The following RUNX1 variants were observed in gnomAD, a reference collection of about 807,000 sequenced individuals.
RUNX1 encodes runt-related transcription factor 1.
Under a neutral mutation model 42.8 loss-of-function variants are expected in RUNX1, and 19 were observed. That is an observed-to-expected ratio of 0.44 (90% CI 0.31 to 0.65). The LOEUF (loss-of-function observed/expected upper bound fraction) is 0.65. Ranked by LOEUF, RUNX1 falls within the 30% of genes least tolerant of loss-of-function variation. The pLI is 0.07. For synonymous variants in RUNX1, 271 were observed against 289.4 expected (o/e 0.94, Z 0.64); for missense variants, 528 against 672.0 (o/e 0.79, Z 2.37).
At chr21:35,006,974 A>C (rs994229898) in intron 2 of RUNX1, among the ~76,000 whole-genome samples, 2 of 152,168 alleles carry the variant, frequency 1.3e-5, no homozygotes, top group Admixed American at 6.5e-5. Flanking sequence ...TCTAGGAGGT[A>C]CCTTAGGTGG....
chr21:34,849,934 T>C (rs1020505895), intron 6 of RUNX1, among the ~76,000 whole-genome samples: 2 of 151,408 alleles, frequency 1.3e-5, no homozygotes, highest in Non-Finnish European at 2.9e-5. Context: ...TTATTATTAC[T>C]ATTATTATTT....
At chr21:34,796,229 C>A (rs1351983399) in intron 8 of RUNX1, among the ~76,000 whole-genome samples, 1 of 152,250 alleles carries the variant, frequency 6.6e-6, no homozygotes, top group South Asian at 2.1e-4. Flanking sequence ...GATCCTTCTT[C>A]TATGTACACA....
At chr21:34,808,343 G>A (rs1056989235) in intron 7 of RUNX1, among the ~76,000 whole-genome samples, 3 of 152,140 alleles carry the variant, frequency 2.0e-5, no homozygotes, top group Non-Finnish European at 2.9e-5. Flanking sequence ...CCTCACTGCC[G>A]ACCTGCCAGC....
intron 7 of RUNX1, among the ~76,000 whole-genome samples, chr21:34,828,773 A>G (rs1240160723): frequency 2.6e-5 from 4 of 151,032 alleles, no homozygotes; most frequent in Non-Finnish European, 5.9e-5. Context: ...GCTCTCTGAC[A>G]GATGCTCTCT....
At chr21:34,909,641 C>T (rs1265686690) in intron 2 of RUNX1, among the ~76,000 whole-genome samples, 1 of 119,392 alleles carries the variant, frequency 8.4e-6, no homozygotes, top group Non-Finnish European at 1.7e-5. Context: ...TGCACTTCTC[C>T]AGAGTGACCT....
At chr21:34,951,584 C>A (rs1601602633) in intron 2 of RUNX1, among the ~76,000 whole-genome samples, 1 of 150,752 alleles carries the variant, frequency 6.6e-6, no homozygotes, top group East Asian at 1.9e-4. Context: ...TGAACAGACA[C>A]TTCCCAAAAG....
chr21:34,873,450 C>T (rs567542710), intron 5 of RUNX1, among the ~76,000 whole-genome samples: 5 of 152,248 alleles, frequency 3.3e-5, no homozygotes, highest in African/African-American at 1.2e-4. Context: ...AGGTAAAAGC[C>T]CAAATTAATC....
chr21:34,929,765 T>A (rs1247557779), intron 2 of RUNX1, among the ~76,000 whole-genome samples: 1 of 152,198 alleles, frequency 6.6e-6, no homozygotes, highest in Non-Finnish European at 1.5e-5. Flanking sequence ...GAATATTCTT[T>A]ACCCAAGTCA....
chr21:34,879,976 A>T (rs2057870779), intron 5 of RUNX1, among the ~76,000 whole-genome samples: 1 of 152,180 alleles, frequency 6.6e-6, no homozygotes, highest in Admixed American at 6.5e-5. Flanking sequence ...CTCCTCCTAA[A>T]TAAGGCATTG....
chr21:34,946,685 T>A (rs942391402), intron 2 of RUNX1, among the ~76,000 whole-genome samples: 1 of 152,176 alleles, frequency 6.6e-6, no homozygotes, highest in African/African-American at 2.4e-5. Context: ...AGGGTACAGC[T>A]TTGCAAGCTG....
At chr21:34,834,649 G>T in intron 6 of RUNX1, 48 bp from the exon 7 acceptor site, 1 of 1,351,348 alleles carries the variant, frequency 7.4e-7, no homozygotes, top group South Asian at 1.2e-5. Context: ...GGGAAGGAGG[G>T]AGGGAAGAGA....
chr21:34,846,195 T>C (rs1453382229), intron 6 of RUNX1, among the ~76,000 whole-genome samples: 1 of 42,754 alleles, frequency 2.3e-5, no homozygotes, highest in Non-Finnish European at 8.6e-5. Context: ...TAAGGATGTC[T>C]TTTTTTTTTT....
intron 5 of RUNX1, among the ~76,000 whole-genome samples, chr21:34,878,033 A>C (rs987813622): frequency 6.6e-6 from 1 of 152,198 alleles, no homozygotes; most frequent in African/African-American, 2.4e-5. Context: ...CAAAAACAGA[A>C]AATGAGACAG....
At chr21:34,953,057 A>G (rs993957006) in intron 2 of RUNX1, among the ~76,000 whole-genome samples, 2 of 152,172 alleles carry the variant, frequency 1.3e-5, no homozygotes, top group Non-Finnish European at 2.9e-5. Context: ...GGCACAAAGC[A>G]CAAAGGCACA....
intron 2 of RUNX1, among the ~76,000 whole-genome samples, chr21:34,975,335 A>G (rs768740358): frequency 2.6e-5 from 4 of 152,238 alleles, no homozygotes; most frequent in Non-Finnish European, 5.9e-5. Context: ...ATAGATCTGT[A>G]TATATGGATG....
chr21:34,886,706 A>T (rs1038948051), intron 4 of RUNX1, 137 bp downstream of exon 4: 1 of 1,377,606 alleles, frequency 7.3e-7, no homozygotes, highest in Non-Finnish European at 1.0e-6. Flanking sequence ...CCACATCCCA[A>T]GCTAGGAAGA....
chr21:34,866,058 T>C (rs1215279364), intron 5 of RUNX1, among the ~76,000 whole-genome samples: 1 of 152,180 alleles, frequency 6.6e-6, no homozygotes, highest in Non-Finnish European at 1.5e-5. Context: ...GCAGACTCTG[T>C]TCCTGTCACT....
Position 34,937,736 on chromosome 21 carries a change from C to T in RUNX1, c.59-44773G>A, listed in dbSNP as rs189528490. On this transcript the variant is annotated intron_variant, in intron 2 of 8. Transcript: ENST00000675419. ...AACCAGAAAGAAAAGATACAATACCCTGTTGCCTGGGTGCAGGAAGAAAGA... is the reference window on the plus strand; with the variant it reads ...AACCAGAAAGAAAAGATACAATACCTTGTTGCCTGGGTGCAGGAAGAAAGA... Among the ~76,000 whole-genome samples the T allele has an allele frequency of 2.8e-4, 42 of 151,956 alleles. 1 individual carries two copies. Among genetic ancestry groups the T allele is most frequent in the Non-Finnish European group, 1.3e-4 (9 of 67,970 alleles).
chr21:34,905,237 G>A (rs1489349062), intron 2 of RUNX1, among the ~76,000 whole-genome samples: 2 of 152,176 alleles, frequency 1.3e-5, no homozygotes, highest in African/African-American at 4.8e-5. Flanking sequence ...GCAAGATGTA[G>A]ATATTTCTTC....
Sources: allele counts gnomAD v4.1 joint callset (sites outside exome capture counted in the v4.1 genomes callset), GRCh38; gene constraint gnomAD v4.1.1; transcripts MANE v1.5; gene names NCBI Gene and HGNC (gene_info 2026-07-23, HGNC 2026-07-21).